Variants in IMMP2L observed in about 807,000 individuals in gnomAD.
IMMP2L encodes mitochondrial inner membrane protease subunit 2.
Under a neutral mutation model 19.3 loss-of-function variants are expected in IMMP2L, and 18 were observed. The observed-to-expected ratio is 0.93, with a 90% CI of 0.64 to 1.38. The LOEUF (loss-of-function observed/expected upper bound fraction) is 1.38. Ranked by LOEUF, IMMP2L falls within the 40% of genes most tolerant of loss-of-function variation. The pLI, the probability that IMMP2L is intolerant of heterozygous loss-of-function variation, is 0.00. For synonymous variants in IMMP2L, 76 were observed against 73.0 expected (o/e 1.04, Z -0.21); for missense variants, 233 against 218.2 (o/e 1.07, Z -0.43).
Position 111,517,650 on chromosome 7 carries a change from C to T in IMMP2L, c.135+3663G>A, listed in dbSNP as rs115758688. ...GGGCACCCTTTTACGCTAAAAGCCT[C>T]TGTAAGCGATTAAAGTTCTAATTTG... On this transcript the variant is annotated intron_variant, in intron 2 of 5. Coordinates refer to ENST00000405709, the MANE Select transcript of IMMP2L (RefSeq NM_032549.4). Among the ~76,000 whole-genome samples the T allele has an allele frequency of 9.0e-3, 1,363 of 152,226 alleles. 25 individuals carry two copies. The highest frequency in any genetic ancestry group is 0.031 in the African/African-American group (1,305 of 41,546).
intron 4 of IMMP2L, among the ~76,000 whole-genome samples, chr7:110,911,667 A>G (rs1320855632): frequency 1.3e-5 from 2 of 152,092 alleles, no homozygotes; most frequent in Non-Finnish European, 2.9e-5. Flanking sequence ...CAGAATTGCA[A>G]ATGTTTTTCC....
intron 4 of IMMP2L, among the ~76,000 whole-genome samples, chr7:110,901,502 A>G (rs1312815511): frequency 6.6e-6 from 1 of 152,166 alleles, no homozygotes; most frequent in Non-Finnish European, 1.5e-5. Context: ...TGAGGCTTGG[A>G]GAGGTTAGTT....
At chr7:111,164,803 T>C (rs531426678) in intron 3 of IMMP2L, among the ~76,000 whole-genome samples, 2 of 152,190 alleles carry the variant, frequency 1.3e-5, no homozygotes, top group African/African-American at 4.8e-5. Context: ...CATTTTGTCA[T>C]TTTGTTGTGA....
At chr7:110,778,395 G>C (rs1350841350) in intron 5 of IMMP2L, among the ~76,000 whole-genome samples, 2 of 151,918 alleles carry the variant, frequency 1.3e-5, no homozygotes, top group Non-Finnish European at 2.9e-5. Context: ...TGGAAGAAGT[G>C]CTGGGATATA....
intron 5 of IMMP2L, among the ~76,000 whole-genome samples, chr7:110,786,075 A>T (rs1478456829): frequency 6.6e-6 from 1 of 151,958 alleles, no homozygotes; most frequent in East Asian, 1.9e-4. Context: ...TAGATTGCCA[A>T]TTTCTGTATA....
chr7:111,358,553 G>T (rs1306152449), intron 3 of IMMP2L, among the ~76,000 whole-genome samples: 1 of 151,916 alleles, frequency 6.6e-6, no homozygotes, highest in Non-Finnish European at 1.5e-5. Flanking sequence ...ATCCACACCA[G>T]GCAGCAAAGC....
chr7:111,159,389 C>A (rs1459651459), intron 3 of IMMP2L, among the ~76,000 whole-genome samples: 1 of 152,074 alleles, frequency 6.6e-6, no homozygotes, highest in Non-Finnish European at 1.5e-5. Flanking sequence ...GCTGGGATTA[C>A]AAGTGTGAGC....
rs200893337 is a variant in IMMP2L at position 110,951,684 on chromosome 7, T to TACA, written c.305+11815_305+11816insTGT. Among the ~76,000 whole-genome samples the TACA allele has an allele frequency of 7.1e-3, 1,077 of 152,196 alleles. 8 individuals carry two copies. Among genetic ancestry groups the TACA allele is most frequent in the African/African-American group, 0.021 (856 of 41,532 alleles). ...AATAACTTTGCCAAGGTTACACAGC[T>TACA]TTGTATGGAACACAGCAGGGACTGA... is the stretch of plus-strand genomic sequence containing the variant. On this transcript the variant is annotated intron_variant, in intron 4 of 5. Coordinates refer to ENST00000405709, the MANE Select transcript of IMMP2L (RefSeq NM_032549.4).
chr7:111,455,021 G>A (rs1365509543), intron 3 of IMMP2L, among the ~76,000 whole-genome samples: 2 of 151,584 alleles, frequency 1.3e-5, no homozygotes, highest in Non-Finnish European at 1.5e-5. Context: ...AAATATTAGT[G>A]GATGTCCTAT....
intron 3 of IMMP2L, among the ~76,000 whole-genome samples, chr7:110,968,634 A>G (rs1161162706): frequency 6.6e-6 from 1 of 152,072 alleles, no homozygotes; most frequent in Non-Finnish European, 1.5e-5. Context: ...GTTGACGCCA[A>G]TGCACTCCAG....
chr7:110,921,995 G>T (rs1814346928), intron 4 of IMMP2L, among the ~76,000 whole-genome samples: 1 of 152,104 alleles, frequency 6.6e-6, no homozygotes, highest in African/African-American at 2.4e-5. Flanking sequence ...GCTGGAACTT[G>T]TATGCTTATT....
At chr7:110,852,206 ATGG>A (rs1384003212) in intron 5 of IMMP2L, among the ~76,000 whole-genome samples, 1 of 147,268 alleles carries the variant, frequency 6.8e-6, no homozygotes, top group African/African-American at 2.6e-5. Context: ...GGAAGGATGG[ATGG>A]ATGGATGGAT....
intron 1 of IMMP2L, among the ~76,000 whole-genome samples, chr7:111,527,612 A>T (rs966053520): frequency 7.9e-5 from 12 of 152,280 alleles, no homozygotes; most frequent in Admixed American, 7.8e-4. Flanking sequence ...ATTGAAAATA[A>T]AAGAGAATTA....
intron 3 of IMMP2L, among the ~76,000 whole-genome samples, chr7:111,102,074 C>A (rs1276535055): frequency 6.7e-6 from 1 of 150,038 alleles, no homozygotes; most frequent in East Asian, 2.0e-4. Flanking sequence ...CACTGCCTGT[C>A]AATTTCTTTA....
chr7:111,338,632 T>A (rs945408516), intron 3 of IMMP2L, among the ~76,000 whole-genome samples: 2 of 152,092 alleles, frequency 1.3e-5, no homozygotes, highest in African/African-American at 4.8e-5. Context: ...AAATTGTTGA[T>A]CCTTATCTAG....
chr7:111,015,131 T>A (rs1825371236), intron 3 of IMMP2L, among the ~76,000 whole-genome samples: 1 of 152,122 alleles, frequency 6.6e-6, no homozygotes, highest in Admixed American at 6.6e-5. Flanking sequence ...ATAGTCACAA[T>A]AGCCAAGAGA....
intron 3 of IMMP2L, among the ~76,000 whole-genome samples, chr7:110,990,645 A>G (rs1157093625): frequency 1.3e-5 from 2 of 152,132 alleles, no homozygotes; most frequent in African/African-American, 2.4e-5. Flanking sequence ...TCCAAATCCA[A>G]CCCTTCATTA....
chr7:111,489,519 A>G (rs540149124), intron 2 of IMMP2L, among the ~76,000 whole-genome samples: 1 of 152,318 alleles, frequency 6.6e-6, no homozygotes, highest in Non-Finnish European at 1.5e-5. Context: ...CAACCAGGGC[A>G]GAAGCAAGGA....
intron 5 of IMMP2L, among the ~76,000 whole-genome samples, chr7:110,697,358 T>C (rs555555034): frequency 6.6e-6 from 1 of 152,294 alleles, no homozygotes; most frequent in South Asian, 2.1e-4. Flanking sequence ...CTAAAAAATA[T>C]TAACTTTATA....
Sources: gnomAD v4.1 joint callset for allele counts (sites outside exome capture counted in the v4.1 genomes callset) on GRCh38, gnomAD v4.1.1 for gene constraint, MANE v1.5 for transcripts, NCBI Gene and HGNC (gene_info 2026-07-23, HGNC 2026-07-21) for gene names.